The following KLF8 variants were observed in gnomAD, a reference collection of about 807,000 sequenced individuals.
The protein encoded by KLF8 is KLF transcription factor 8.
A neutral mutation model predicts 18.2 loss-of-function variants in KLF8; 10 were observed. That is an observed-to-expected ratio of 0.55 (90% CI 0.34 to 0.93). KLF8 has a LOEUF of 0.93. Among genes scored for constraint, KLF8 ranks in the 40% least tolerant of loss-of-function variants. The pLI is 0.02. For synonymous variants in KLF8, 109 were observed against 97.3 expected (o/e 1.12, Z -0.71); for missense variants, 264 against 277.9 (o/e 0.95, Z 0.36).
At chrX:56,048,602 G>A in the KLF8 span, among the ~76,000 whole-genome samples, 1 of 111,338 alleles carries the variant, frequency 9.0e-6, no homozygotes, top group South Asian at 3.8e-4. Flanking sequence ...ATTTATGAGG[G>A]TTCTGTTCTG....
chrX:56,266,045 GATT>G (rs2066968775), intron 3 of KLF8: 1 of 802,581 alleles, frequency 1.2e-6, no homozygotes, highest in Admixed American at 6.3e-5. Context: ...TTTAAAATAT[GATT>G]ATCTTGTATT....
At chrX:56,196,651 G>T in the KLF8 span, among the ~76,000 whole-genome samples, 4 of 111,369 alleles carry the variant, frequency 3.6e-5, no homozygotes, top group African/African-American at 1.3e-4. Context: ...AATAATGGGA[G>T]ACTTTAACAC....
the KLF8 span, among the ~76,000 whole-genome samples, chrX:55,933,053 TG>T: frequency 8.9e-6 from 1 of 111,930 alleles, no homozygotes; most frequent in Middle Eastern, 4.7e-3. Flanking sequence ...CTCAAATGGA[TG>T]TTTTTTTTTC....
chrX:55,993,797 A>G, the KLF8 span, among the ~76,000 whole-genome samples: 1 of 109,473 alleles, frequency 9.1e-6, no homozygotes, highest in Admixed American at 9.7e-5. Context: ...CAATTTCAGA[A>G]CTCATTCCTG....
At chrX:56,126,856 G>A in the KLF8 span, among the ~76,000 whole-genome samples, 2 of 105,221 alleles carry the variant, frequency 1.9e-5, no homozygotes. Flanking sequence ...CAGTTTAAGT[G>A]ATTCTCCTGC....
the KLF8 span, among the ~76,000 whole-genome samples, chrX:56,140,859 G>T: frequency 9.3e-6 from 1 of 107,971 alleles, no homozygotes; most frequent in Non-Finnish European, 1.9e-5. Context: ...AACTGTGCAT[G>T]TGCATAAAAC....
chrX:56,069,872 A>G, the KLF8 span, among the ~76,000 whole-genome samples: 1 of 112,316 alleles, frequency 8.9e-6, no homozygotes, highest in Admixed American at 9.4e-5. Flanking sequence ...AACCAGAAAT[A>G]CCATTTGACT....
chrX:56,268,644 G>T (rs1167816672), intron 3 of KLF8: 22 of 729,421 alleles, frequency 3.0e-5, no homozygotes, highest in Non-Finnish European at 3.2e-5. Context: ...TGAATGATAT[G>T]CAAAGTATAG....
chrX:56,050,142 T>C, the KLF8 span, among the ~76,000 whole-genome samples: 2 of 110,532 alleles, frequency 1.8e-5, no homozygotes, highest in African/African-American at 6.6e-5. Context: ...ATTGCGTCTA[T>C]TTGATTCTTC....
the KLF8 span, among the ~76,000 whole-genome samples, chrX:56,110,528 T>A: frequency 1.8e-5 from 2 of 112,079 alleles, no homozygotes; most frequent in African/African-American, 6.5e-5. Flanking sequence ...AATTTATTTG[T>A]TTCTCAATTC....
intron 5 of KLF8, among the ~76,000 whole-genome samples, chrX:56,279,773 G>A (rs2067174399): frequency 8.9e-6 from 1 of 111,798 alleles, no homozygotes; most frequent in Non-Finnish European, 1.9e-5. Context: ...TGGGTGACTG[G>A]GTGAATGGAG....
At chrX:56,250,957 C>T (rs1258745097) in intron 2 of KLF8, among the ~76,000 whole-genome samples, 2 of 112,253 alleles carry the variant, frequency 1.8e-5, no homozygotes, top group Admixed American at 1.9e-4. Context: ...TTGAGGACCA[C>T]TCACATTATA....
At chrX:56,176,751 A>T in the KLF8 span, among the ~76,000 whole-genome samples, 4 of 111,637 alleles carry the variant, frequency 3.6e-5, no homozygotes, top group Non-Finnish European at 7.5e-5. Context: ...AATCAGACGT[A>T]GATTTGGTCT....
At chrX:55,970,720 A>T in the KLF8 span, among the ~76,000 whole-genome samples, 3 of 111,824 alleles carry the variant, frequency 2.7e-5, no homozygotes, top group Non-Finnish European at 5.7e-5. Flanking sequence ...AAGTTGTAAG[A>T]GATCAAATCA....
the KLF8 span, among the ~76,000 whole-genome samples, chrX:56,059,766 A>G: frequency 1.1e-4 from 12 of 111,754 alleles, no homozygotes; most frequent in Non-Finnish European, 2.1e-4. Flanking sequence ...GCCTTGTAGT[A>G]TAGTTGAAGT....
chrX:56,145,637 T>G, the KLF8 span, among the ~76,000 whole-genome samples: 3 of 112,130 alleles, frequency 2.7e-5, no homozygotes, highest in East Asian at 8.4e-4. Flanking sequence ...AGGAATGAAA[T>G]ACTGTTACAT....
At chrX:56,050,862 G>A in the KLF8 span, among the ~76,000 whole-genome samples, 1 of 109,691 alleles carries the variant, frequency 9.1e-6, no homozygotes, top group Admixed American at 9.7e-5. Flanking sequence ...AATGTTGACA[G>A]TGGGGTGTTA....
At chrX:56,061,039 A>G in the KLF8 span, among the ~76,000 whole-genome samples, 1 of 109,645 alleles carries the variant, frequency 9.1e-6, no homozygotes. Flanking sequence ...CAGAGGTGAT[A>G]TCGATTCTTC....
the KLF8 span, among the ~76,000 whole-genome samples, chrX:56,119,668 A>G: frequency 1.8e-5 from 2 of 109,829 alleles, no homozygotes; most frequent in African/African-American, 6.6e-5. Flanking sequence ...CCAAAGTGCT[A>G]GGATTACAGG....
Sources: gnomAD v4.1 joint callset for allele counts (sites outside exome capture counted in the v4.1 genomes callset) on GRCh38, gnomAD v4.1.1 for gene constraint, MANE v1.5 for transcripts, NCBI Gene and HGNC (gene_info 2026-07-23, HGNC 2026-07-21) for gene names.